Variants in XRCC1 observed in about 807,000 individuals in gnomAD.
XRCC1 encodes X-ray repair cross complementing 1, also known as DNA repair protein XRCC1.
XRCC1 carries 52 observed loss-of-function variants against 83.3 expected under a neutral mutation model. The observed-to-expected ratio is 0.62, with a 90% CI of 0.50 to 0.79. XRCC1 has a LOEUF of 0.79. XRCC1 is among the 30% of genes least tolerant of loss of function. XRCC1 has a pLI of 0.00. For synonymous variants in XRCC1, 281 were observed against 312.6 expected, an observed-to-expected ratio of 0.90 and a Z score of 1.07; for missense variants, 793 against 823.5, an observed-to-expected ratio of 0.96 and a Z score of 0.45.
At chr19:43,573,452 A>C (rs1038698285) in intron 2 of XRCC1, among the ~76,000 whole-genome samples, 5 of 152,128 alleles carry the variant, frequency 3.3e-5, no homozygotes, top group Non-Finnish European at 7.4e-5. Context: ...TGGAGCAGGG[A>C]AATATACTCC....
intron 10 of XRCC1, among the ~76,000 whole-genome samples, chr19:43,548,144 C>T (rs968479945): frequency 6.7e-6 from 1 of 149,572 alleles, no homozygotes; most frequent in African/African-American, 2.5e-5. Context: ...GCCGCCCCTC[C>T]AGGAGGGAGG....
chr19:43,553,048 G>A lies in XRCC1; in HGVS notation c.645C>T (p.Thr215=), dbSNP rs2146051608. ...DPAGPSYAAA[T]LQASSAASSA... ...AGGAGGCAGCACTAGAAGCCTGGAG[G>A]GTAGCAGCTGCATAGCTAGGTCCTG... The change falls in exon 7 of 17, where the codon ACC becomes ACT. Residue 215 remains threonine, a synonymous_variant. Transcript: ENST00000262887. 1.3e-6 allele frequency: 2 copies of A among 1,595,616 alleles called. No individual in the cohort carries two copies. Among genetic ancestry groups the A allele is most frequent in the Non-Finnish European group, 1.7e-6 (2 of 1,171,236 alleles).
rs369512243 is a variant in XRCC1 at position 43,553,598 on chromosome 19, G to C, written c.489+11C>G. On this transcript the variant is annotated intron_variant, in intron 5 of 16. Coordinates refer to ENST00000262887, the MANE Select transcript of XRCC1 (RefSeq NM_006297.3). Reference sequence around the variant, plus strand: ...GGGAGAAGGCCATGGGGAGTGACAGGTACAGCTTACCTGGGACGGGGCCTC... The same window carrying C: ...GGGAGAAGGCCATGGGGAGTGACAGCTACAGCTTACCTGGGACGGGGCCTC... 6.2e-7 allele frequency: 1 copy of C among 1,606,310 alleles called. No homozygotes were observed. Among genetic ancestry groups the C allele is most frequent in the African/African-American group, 1.3e-5 (1 of 74,572 alleles).
Position 43,553,464 on chromosome 19 carries a change from C to T in XRCC1, c.538G>A (p.Glu180Lys), listed in dbSNP as rs373804974. ...CCCGGCCTCAGAGAGTTGGCGCTCT[C>T]ATCCTCCTCCTTCACACGGAACTGG... is the stretch of plus-strand genomic sequence containing the variant. ...LGQFRVKEED[E>K]SANSLRPGAL... The change falls in exon 6 of 17, where the codon GAG becomes AAG. Residue 180 changes from glutamate to lysine, a missense_variant. Physicochemically the swap from Glu to Lys is moderately conservative, Grantham distance 56 (BLOSUM62 1). Transcript: ENST00000262887. 6.2e-7 allele frequency: 1 copy of T among 1,614,178 alleles called. No individual in the cohort carries two copies. Among genetic ancestry groups the T allele is most frequent in the Non-Finnish European group, 8.5e-7 (1 of 1,180,030 alleles).
chr19:43,571,826 T>G (rs1972808839), intron 2 of XRCC1, among the ~76,000 whole-genome samples: 1 of 152,234 alleles, frequency 6.6e-6, no homozygotes, highest in African/African-American at 2.4e-5. Context: ...TGTACTGCTG[T>G]ATTAAAACAG....
In XRCC1 at chr19:43,553,841, A is replaced by T. The variant is rs1227653999; in HGVS notation, c.415-158T>A. ...TGGCGATGGTGATGACAATTATAGG[A>T]TTAAGCTGTTATGACTGAGCCCTAA... is the stretch of plus-strand genomic sequence containing the variant. On this transcript the variant is annotated intron_variant, in intron 4 of 16. Coordinates refer to ENST00000262887, the MANE Select transcript of XRCC1 (RefSeq NM_006297.3). 4 of 602,766 alleles carry T rather than the reference A, an allele frequency of 6.6e-6. No individual in the cohort carries two copies. The East Asian group carries it at 1.1e-4, about 17-fold the overall frequency. 37.3% of individuals were successfully genotyped at this position (602,766 alleles called of 1,614,324 possible).
intron 3 of XRCC1, among the ~76,000 whole-genome samples, chr19:43,556,640 C>T (rs1444035824): frequency 6.6e-6 from 1 of 152,066 alleles, no homozygotes; most frequent in Non-Finnish European, 1.5e-5. Context: ...CCCATCTCTA[C>T]TAAAAATACA....
chr19:43,546,070 G>A lies in XRCC1; in HGVS notation c.1463C>T (p.Thr488Ile). Reference protein sequence around the residue: ...QDNGAEDSGDTEDELRRVAEQ... With the variant: ...QDNGAEDSGDIEDELRRVAEQ... The stretch of plus-strand genomic sequence containing the variant: ...GCCCTACCTCCTCAGCTCATCCTCT[G>A]TGTCCCCAGAATCTTCCGCCCCATT... The change falls in exon 13 of 17, where the codon ACA (threonine) becomes ATA (isoleucine). Residue 488 changes from threonine (T) to isoleucine (I), a missense_variant. Transcript: ENST00000262887. 1 of 1,612,114 alleles carries A rather than the reference G, an allele frequency of 6.2e-7. No individual in the cohort carries two copies. The highest frequency in any genetic ancestry group is 8.5e-7 in the Non-Finnish European group (1 of 1,179,386).
In XRCC1 at chr19:43,552,007, GC is replaced by G. The variant is rs970973162; in HGVS notation, c.1082+9del. 10 of 1,612,922 alleles carry G rather than the reference GC, an allele frequency of 6.2e-6. No individual in the cohort carries two copies. Among genetic ancestry groups the G allele is most frequent in the Non-Finnish European group, 8.5e-6 (10 of 1,179,112 alleles). The stretch of plus-strand genomic sequence containing the variant: ...ACTGCAGCGGCGCAGGGAGGGGGGC[GC>G]AAGCCTACATGAGGTGCGTGCTGTC... On this transcript the variant is annotated intron_variant, in intron 9 of 16. Transcript: ENST00000262887.
intron 10 of XRCC1, among the ~76,000 whole-genome samples, chr19:43,547,636 C>G (rs1972526652): frequency 6.6e-6 from 1 of 151,996 alleles, no homozygotes; most frequent in African/African-American, 2.4e-5. Flanking sequence ...CATGTGCCAC[C>G]ACGCCTGGCT....
rs1555767851 is a variant in XRCC1 at position 43,543,664 on chromosome 19, T to C, written c.1736A>G (p.Asp579Gly). 7.4e-6 allele frequency: 12 copies of C among 1,613,938 alleles called. No homozygotes were observed. The Middle Eastern group carries it at 9.9e-4, about 133-fold the overall frequency. The part of the protein sequence containing the change: ...FNGELEDYMS[D>G]RVQFVITAQE... Reference sequence around the variant, plus strand: ...TGCTGTGATCACAAACTGAACCCGGTCACTCATATAGTCCTCGAGCTCCCT... The same window carrying C: ...TGCTGTGATCACAAACTGAACCCGGCCACTCATATAGTCCTCGAGCTCCCT... The change falls in exon 16 of 17, where the codon GAC (aspartate) becomes GGC (glycine). Residue 579 changes from aspartate to glycine, a missense_variant. Asp to Gly is a moderately conservative substitution (Grantham distance 94, BLOSUM62 -1). Coordinates refer to ENST00000262887, the MANE Select transcript of XRCC1 (RefSeq NM_006297.3).
At chr19:43,561,066 G>T in intron 2 of XRCC1, 46 bp from the exon 3 acceptor site, 1 of 1,487,510 alleles carries the variant, frequency 6.7e-7, no homozygotes, top group Non-Finnish European at 9.4e-7. Flanking sequence ...CTCTGCCTCT[G>T]GGCTCACTGT....
Position 43,564,781 on chromosome 19 carries a change from T to TC in XRCC1, c.145-3762dup, listed in dbSNP as rs372219255. Among the ~76,000 whole-genome samples, 59 of 140,960 alleles carry TC rather than the reference T, an allele frequency of 4.2e-4. 1 individual carries two copies. Among genetic ancestry groups the TC allele is most frequent in the African/African-American group, 1.5e-3 (57 of 39,282 alleles). 92.5% of individuals were successfully genotyped at this position (140,960 alleles called of 152,430 possible). A position where few individuals can be genotyped will look rare whatever the true frequency, so the allele number is the denominator to read the frequency against. ...CCAGCCTGGGCAAGAAGAGCGAAACTCCGTCTCAAAAAAACAAAAAAAAAA... is the reference window on the plus strand; with the variant it reads ...CCAGCCTGGGCAAGAAGAGCGAAACTCCCGTCTCAAAAAAACAAAAAAAAAA... On this transcript the variant is annotated intron_variant, in intron 2 of 16. Transcript: ENST00000262887.
At position 43,552,234 on chromosome 19, in the gene XRCC1, C is replaced by G. The variant is rs745463797; in HGVS notation, c.865G>C (p.Ala289Pro). ...CCTGTCACTGCCCCCTGTGCTCGGG[C>G]AGGGACTGGGGCTGTGGCTGGGGTA... ...TRTPATAPVP[A>P]RAQGAVTGKP... The change falls in exon 9 of 17, where the codon GCC becomes CCC. Residue 289 changes from alanine (A) to proline (P), a missense_variant. Transcript: ENST00000262887. 107 of 1,612,742 alleles carry G rather than the reference C, an allele frequency of 6.6e-5. No individual in the cohort carries two copies. The highest frequency in any genetic ancestry group is 3.9e-5 in the Non-Finnish European group (46 of 1,179,608).
In XRCC1 at chr19:43,548,049, G is replaced by GGGCCAGCCCCTGCCC. The variant is rs543968194; in HGVS notation, c.1200-1073_1200-1072insGGGCAGGGGCTGGCC. ...GGTTCCCGTCCGGGAGGGAGGTGGG[G>GGGCCAGCCCCTGCCC]GGCCAGCCGCCCCGTCGGGGGGGAG... On this transcript the variant is annotated intron_variant, in intron 10 of 16. Transcript: ENST00000262887. Among the ~76,000 whole-genome samples the GGGCCAGCCCCTGCCC allele has an allele frequency of 9.2e-5, 11 of 118,974 alleles. No homozygotes were observed. The South Asian group carries it at 2.8e-3, about 30-fold the overall frequency. 78.1% of individuals were successfully genotyped at this position (118,974 alleles called of 152,430 possible).
chr19:43,552,130 C>T lies in XRCC1; in HGVS notation c.969G>A (p.Val323=), dbSNP rs764174844. Residue 323 remains valine, a synonymous_variant, in exon 9 of 17, where the codon GTG becomes GTA. Coordinates refer to ENST00000262887, the MANE Select transcript of XRCC1 (RefSeq NM_006297.3). ...PEELGKILQG[V]VVVLSGFQNP... ...TCTGGAAGCCACTCAGCACCACTAC[C>T]ACACCCTGAAGGATCTTCCCCAGCT... The T allele has an allele frequency of 1.2e-6, 2 of 1,614,102 alleles. No individual in the cohort carries two copies. Among genetic ancestry groups the T allele is most frequent in the Non-Finnish European group, 8.5e-7 (1 of 1,179,986 alleles).
chr19:43,546,140 C>T (rs767874372), intron 12 of XRCC1, 34 bp from the exon 13 acceptor site: 20 of 1,612,856 alleles, frequency 1.2e-5, no homozygotes, highest in Admixed American at 5.0e-5. Context: ...GCAAGGCTGC[C>T]TTGTCTCCTG....
intron 3 of XRCC1, among the ~76,000 whole-genome samples, chr19:43,559,825 A>T (rs1972678850): frequency 6.6e-6 from 1 of 152,062 alleles, no homozygotes; most frequent in Non-Finnish European, 1.5e-5. Flanking sequence ...CATGCCTGTA[A>T]TCCTAGCACT....
chr19:43,560,743 T>C (rs1014032856), intron 3 of XRCC1, among the ~76,000 whole-genome samples, 167 bp downstream of exon 3: 1 of 152,216 alleles, frequency 6.6e-6, no homozygotes, highest in Admixed American at 6.5e-5. Context: ...TACCGCCCTG[T>C]GTCTGCCTTC....
Sources: gnomAD v4.1 joint callset for allele counts (sites outside exome capture counted in the v4.1 genomes callset) on GRCh38, gnomAD v4.1.1 for gene constraint, MANE v1.5 for transcripts, NCBI Gene and HGNC (gene_info 2026-07-23, HGNC 2026-07-21) for gene names.